SFRP4: variants seen among roughly 807,000 people sequenced by gnomAD.
SFRP4 encodes secreted frizzled related protein 4, also known as secreted frizzled-related protein 4.
In SFRP4, 25 loss-of-function variants were observed where a neutral mutation model predicts 36.3. The ratio of observed to expected loss-of-function variants is 0.69; its 90% CI spans 0.50 to 0.96. The LOEUF (loss-of-function observed/expected upper bound fraction) is 0.96. Ranked by LOEUF, SFRP4 falls within the 40% of genes least tolerant of loss-of-function variation. The pLI is 0.00. For missense variants in SFRP4, 487 were observed against 459.6 expected (o/e 1.06, Z -0.54); for synonymous variants, 182 against 168.8 (o/e 1.08, Z -0.60).
intron 5 of SFRP4, among the ~76,000 whole-genome samples, chr7:37,908,644 T>C (rs1233141646): frequency 2.0e-5 from 3 of 152,228 alleles, no homozygotes; most frequent in Admixed American, 6.5e-5. Flanking sequence ...GCTCAGGTTC[T>C]CATGGTCTGC....
At position 37,914,354 on chromosome 7, in the gene SFRP4, C is replaced by G. The variant is rs368471290; in HGVS notation, c.526+19G>C. On this transcript the variant is annotated intron_variant, in intron 2 of 5. Coordinates refer to ENST00000436072, the MANE Select transcript of SFRP4 (RefSeq NM_003014.4). ...TGGAGAGGAGAAGTAGAGGGAACGT[C>G]CATGAAGAAAGAACTCACCGGGGCT... 1 of 1,611,232 alleles carries G rather than the reference C, an allele frequency of 6.2e-7. No individual in the cohort carries two copies. The highest frequency in any genetic ancestry group is 8.5e-7 in the Non-Finnish European group (1 of 1,177,472).
chr7:37,911,421 A>T (rs181251479), intron 4 of SFRP4, among the ~76,000 whole-genome samples: 13 of 152,300 alleles, frequency 8.5e-5, no homozygotes. Context: ...GCATCAACTT[A>T]TGGGGCCCAA....
At chr7:37,915,997 G>A (rs909807070) in intron 1 of SFRP4, 96 bp downstream of exon 1, 109 of 1,499,086 alleles carry the variant, frequency 7.3e-5, no homozygotes, top group Non-Finnish European at 9.7e-5. Flanking sequence ...AGCCTCAGAC[G>A]CCCCTGGCAG....
Position 37,916,555 on chromosome 7 carries a change from C to A in SFRP4, c.-18G>T. 6.3e-7 allele frequency: 1 copy of A among 1,593,718 alleles called. No homozygotes were observed. The highest frequency in any genetic ancestry group is 1.1e-5 in the South Asian group (1 of 90,688). On this transcript the variant is annotated 5_prime_UTR_variant, in exon 1 of 6. Transcript: ENST00000436072. This position sits in a 1 kb window ranked among gnomAD's most constrained non-coding sequence, Gnocchi z 4.1. ...AGGAACATGGCACTGCCCTCTCGCG[C>A]TGCGACCCCGGCAGACAGAAAGCGC...
At position 37,914,086 on chromosome 7, in the gene SFRP4, C is replaced by T. The variant is rs1256312131; in HGVS notation, c.592+127G>A. 9.8e-6 allele frequency: 7 copies of T among 710,958 alleles called. No homozygotes were observed. In the African/African-American group the frequency reaches 1.1e-4, roughly 11 times the overall value. 44.0% of individuals were successfully genotyped at this position (710,958 alleles called of 1,614,324 possible). A position where few individuals can be genotyped will look rare whatever the true frequency, so the allele number is the denominator to read the frequency against. ...ATATTAATAGAATTCACATGATCAACTGGAAAAATAGTCAACCTTTTGTTT... is the reference window on the plus strand; with the variant it reads ...ATATTAATAGAATTCACATGATCAATTGGAAAAATAGTCAACCTTTTGTTT... On this transcript the variant is annotated intron_variant, in intron 3 of 5. Coordinates refer to ENST00000436072, the MANE Select transcript of SFRP4 (RefSeq NM_003014.4).
At position 37,916,251 on chromosome 7, in the gene SFRP4, G is replaced by A. The variant is rs1219996012; in HGVS notation, c.287C>T (p.Pro96Leu). ...CGCGCGTTGGCACACCGACTTGCAC[G>A]GCTTGATAGGGTCGTGCAGGAACTC... ...TLEFLHDPIKPCKSVCQRARD... is the reference protein window; with the variant it reads ...TLEFLHDPIKLCKSVCQRARD... The change falls in exon 1 of 6, where the codon CCG (proline) becomes CTG (leucine). Residue 96 changes from proline (P) to leucine (L), a missense_variant. Pro to Leu is a moderately conservative substitution (Grantham distance 98). Coordinates refer to ENST00000436072, the MANE Select transcript of SFRP4 (RefSeq NM_003014.4). The surrounding 1 kb of genome is among the most constrained non-coding windows in gnomAD (Gnocchi z 4.1). The A allele has an allele frequency of 3.1e-6, 5 of 1,614,080 alleles. No individual in the cohort carries two copies. The highest frequency in any genetic ancestry group is 4.2e-6 in the Non-Finnish European group (5 of 1,180,040).
In SFRP4 at chr7:37,907,483, A is replaced by C; in HGVS notation, c.1037T>G (p.Val346Gly). ...CCGCTTTGGAAACTAGTTAGCTCACACTCTTTTCGGGTTTGTTCTCTTCTG... is the reference window on the plus strand; with the variant it reads ...CCGCTTTGGAAACTAGTTAGCTCACCCTCTTTTCGGGTTTGTTCTCTTCTG... ...SAQKRTNPKR[V>G] The change falls in exon 6 of 6, where the codon GTG becomes GGG. Residue 346 changes from valine (V) to glycine (G), a missense_variant. Transcript: ENST00000436072. 6.2e-7 allele frequency: 1 copy of C among 1,611,764 alleles called. No homozygotes were observed. Among genetic ancestry groups the C allele is most frequent in the Non-Finnish European group, 8.5e-7 (1 of 1,179,188 alleles).
chr7:37,907,847 G>A (rs1439624707), intron 5 of SFRP4, among the ~76,000 whole-genome samples, 183 bp from the exon 6 acceptor site: 2 of 152,172 alleles, frequency 1.3e-5, no homozygotes, highest in East Asian at 1.9e-4. Context: ...AGTGTGTGAT[G>A]AAGTTTCCAC....
At position 37,914,398 on chromosome 7, in the gene SFRP4, A is replaced by G; in HGVS notation, c.501T>C (p.Asp167=). The G allele has an allele frequency of 6.2e-7, 1 of 1,614,058 alleles. No individual in the cohort carries two copies. The highest frequency in any genetic ancestry group is 8.5e-7 in the Non-Finnish European group (1 of 1,179,888). ...PDMMVQERPL[D]VDCKRLSPDR... ...CGGGGCTTAGGCGTTTACAGTCAACATCAAGAGGCCTTTCCTGTACCATCA... is the reference window on the plus strand; with the variant it reads ...CGGGGCTTAGGCGTTTACAGTCAACGTCAAGAGGCCTTTCCTGTACCATCA... Residue 167 remains aspartate, a synonymous_variant, in exon 2 of 6, where the codon GAT becomes GAC. Transcript: ENST00000436072.
rs750706822 is a variant in SFRP4 at position 37,916,358 on chromosome 7, C to A, written c.180G>T (p.Gln60His). 6.2e-7 allele frequency: 1 copy of A among 1,614,254 alleles called. No individual in the cohort carries two copies. Among genetic ancestry groups the A allele is most frequent in the Non-Finnish European group, 8.5e-7 (1 of 1,180,036 alleles). ...AGTTCACGTCCACCAGCTCCTCGTA[C>A]TGCTCGATGGCCAGGATGGCGTTCT... ...TQENAILAIE[Q>H]YEELVDVNCS... Residue 60 changes from glutamine to histidine, a missense_variant, in exon 1 of 6, where the codon CAG becomes CAT. Transcript: ENST00000436072. This position sits in a 1 kb window ranked among gnomAD's most constrained non-coding sequence, Gnocchi z 4.1.
intron 4 of SFRP4, 71 bp downstream of exon 4, chr7:37,912,048 C>T: frequency 8.3e-7 from 1 of 1,199,152 alleles, no homozygotes; most frequent in Non-Finnish European, 1.2e-6. Context: ...ATTTTTAAAC[C>T]ATGACTGCTA....
Position 37,916,544 on chromosome 7 carries a change from G to T in SFRP4, c.-7C>A. 6.3e-7 allele frequency: 1 copy of T among 1,597,824 alleles called. No individual in the cohort carries two copies. The highest frequency in any genetic ancestry group is 1.1e-5 in the South Asian group (1 of 90,830). Reference sequence around the variant, plus strand: ...CTAGGATGGAGAGGAACATGGCACTGCCCTCTCGCGCTGCGACCCCGGCAG... The same window carrying T: ...CTAGGATGGAGAGGAACATGGCACTTCCCTCTCGCGCTGCGACCCCGGCAG... On this transcript the variant is annotated 5_prime_UTR_variant, in exon 1 of 6. Transcript: ENST00000436072. The surrounding 1 kb of genome is among the most constrained non-coding windows in gnomAD (Gnocchi z 4.1).
chr7:37,915,480 TA>T (rs1289003913), intron 1 of SFRP4, among the ~76,000 whole-genome samples: 4 of 152,194 alleles, frequency 2.6e-5, no homozygotes, highest in Non-Finnish European at 5.9e-5. Context: ...TCCTTCTTTT[TA>T]GAAAAGCAGT....
At chr7:37,909,802 T>C in intron 4 of SFRP4, 122 bp from the exon 5 acceptor site, 1 of 519,980 alleles carries the variant, frequency 1.9e-6, no homozygotes, top group South Asian at 3.4e-5. Context: ...CCACCATTTA[T>C]ATTTTATTGG....
At position 37,916,694 on chromosome 7, in the gene SFRP4, G is replaced by A. The variant is rs1785586981; in HGVS notation, c.-157C>T. On this transcript the variant is annotated 5_prime_UTR_variant, in exon 1 of 6. Transcript: ENST00000436072. The surrounding 1 kb of genome is among the most constrained non-coding windows in gnomAD (Gnocchi z 4.1). ...CCAGTCGGCAGCAAAGCGGGGCCGC[G>A]GGGTCCGGCCGCGGAGCTCCGCCGT... 4.2e-6 allele frequency: 5 copies of A among 1,177,158 alleles called. No individual in the cohort carries two copies. Among genetic ancestry groups the A allele is most frequent in the Non-Finnish European group, 5.8e-6 (5 of 860,758 alleles). The allele number at this position is 1,177,158 out of a possible 1,614,324, so 72.9% of individuals were successfully genotyped here.
At chr7:37,910,013 C>A (rs1785459072) in intron 4 of SFRP4, among the ~76,000 whole-genome samples, 1 of 151,860 alleles carries the variant, frequency 6.6e-6, no homozygotes, top group African/African-American at 2.4e-5. Context: ...CTATCCATTT[C>A]TTTATTGCTG....
intron 4 of SFRP4, 73 bp from the exon 5 acceptor site, chr7:37,909,753 A>C (rs1785453764): frequency 1.2e-6 from 1 of 834,734 alleles, no homozygotes; most frequent in Non-Finnish European, 1.9e-6. Flanking sequence ...AAATTGTAAA[A>C]AAATTATTCA....
At position 37,916,718 on chromosome 7, in the gene SFRP4, G is replaced by C; in HGVS notation, c.-181C>G. The C allele has an allele frequency of 1.1e-6, 1 of 922,248 alleles. No individual in the cohort carries two copies. The highest frequency in any genetic ancestry group is 1.6e-6 in the Non-Finnish European group (1 of 629,702). 57.1% of individuals were successfully genotyped at this position (922,248 alleles called of 1,614,324 possible). A position where few individuals can be genotyped will look rare whatever the true frequency, so the allele number is the denominator to read the frequency against. ...CGGGGTCCGGCCGCGGAGCTCCGCC[G>C]TCTGGCACACAGGGCACGAGCAGCG... On this transcript the variant is annotated 5_prime_UTR_variant, in exon 1 of 6. Transcript: ENST00000436072. The surrounding 1 kb of genome is among the most constrained non-coding windows in gnomAD (Gnocchi z 4.1).
At chr7:37,914,302 A>G (rs1202118895) in intron 2 of SFRP4, 24 bp from the exon 3 acceptor site, 7 of 1,613,652 alleles carry the variant, frequency 4.3e-6, no homozygotes, top group African/African-American at 1.3e-5. Context: ...AAGAGGCAGA[A>G]AGTTGGAAAA....
Sources: gnomAD v4.1 joint callset for allele counts (sites outside exome capture counted in the v4.1 genomes callset) on GRCh38, gnomAD v4.1.1 for gene constraint, Gnocchi (gnomAD v3.1) non-coding constraint, MANE v1.5 for transcripts, NCBI Gene and HGNC (gene_info 2026-07-23, HGNC 2026-07-21) for gene names.